Variants in JUP observed in about 807,000 individuals in gnomAD.
JUP encodes the protein catenin (cadherin-associated protein), gamma 80kDa.
A neutral mutation model predicts 71.1 loss-of-function variants in JUP; 28 were observed. The ratio of observed to expected loss-of-function variants is 0.39; its 90% CI spans 0.29 to 0.54. The LOEUF (loss-of-function observed/expected upper bound fraction) is 0.54. JUP is among the 20% of genes least tolerant of loss of function. The pLI is 0.62. For synonymous variants in JUP, 401 were observed against 438.9 expected, an observed-to-expected ratio of 0.91 and a Z score of 1.08; for missense variants, 869 against 1,030.1, an observed-to-expected ratio of 0.84 and a Z score of 2.14.
At chr17:41,778,437 T>C (rs1555609375) in intron 1 of JUP, among the ~76,000 whole-genome samples, 1 of 149,820 alleles carries the variant, frequency 6.7e-6, no homozygotes, top group East Asian at 2.0e-4. Flanking sequence ...CGTGGTGGCA[T>C]GTGCCTGTAG....
rs1555607378 is a variant in JUP at position 41,772,325 on chromosome 17, G to A, written c.-8-463C>T. On this transcript the variant is annotated intron_variant, in intron 1 of 13. Coordinates refer to ENST00000393931, the MANE Select transcript of JUP (RefSeq NM_002230.4). ...AAGGCTGCAGGGAGGAGGCACCCAA[G>A]CCATTGGGCAGGAAACTGGGCGGGG... 4 of 284,436 alleles carry A rather than the reference G, an allele frequency of 1.4e-5. No individual in the cohort carries two copies. In the East Asian group the frequency reaches 2.6e-4, roughly 18 times the overall value. The allele number at this position is 284,436 out of a possible 1,614,324, so 17.6% of individuals were successfully genotyped here.
intron 12 of JUP, among the ~76,000 whole-genome samples, chr17:41,756,669 C>T (rs1001965478): frequency 1.3e-5 from 2 of 151,856 alleles, no homozygotes; most frequent in South Asian, 2.1e-4. Context: ...GAGGCCAAGG[C>T]GGGCGGATCA....
chr17:41,759,020 A>C, intron 8 of JUP, 150 bp from the exon 9 acceptor site: 1 of 752,268 alleles, frequency 1.3e-6, no homozygotes. Flanking sequence ...GAAGGAGACC[A>C]TCCCAGCCAT....
At chr17:41,773,117 T>A (rs1010699772) in intron 1 of JUP, 7 of 465,148 alleles carry the variant, frequency 1.5e-5, no homozygotes, top group African/African-American at 1.5e-4. Context: ...GTCTGTAGTC[T>A]TTGCACATCC....
intron 9 of JUP, 79 bp downstream of exon 9, chr17:41,758,636 C>T: frequency 6.3e-7 from 1 of 1,579,168 alleles, no homozygotes; most frequent in East Asian, 2.3e-5. Flanking sequence ...TGCAACTGAC[C>T]TCCCCATTCA....
chr17:41,766,976 AG>A (rs1458216936), intron 5 of JUP, among the ~76,000 whole-genome samples: 1 of 151,506 alleles, frequency 6.6e-6, no homozygotes, highest in African/African-American at 2.4e-5. Context: ...GAGCCCAGGA[AG>A]TCAAGGCTGC....
chr17:41,770,757 C>T (rs1417353956), intron 2 of JUP, among the ~76,000 whole-genome samples: 1 of 152,214 alleles, frequency 6.6e-6, no homozygotes, highest in Admixed American at 6.5e-5. Flanking sequence ...ATCCCCATCC[C>T]GGACTAAGCC....
intron 8 of JUP, 76 bp downstream of exon 8, chr17:41,762,907 A>T: frequency 8.0e-7 from 1 of 1,256,972 alleles, no homozygotes; most frequent in Non-Finnish European, 1.2e-6. Context: ...CTTCTTTGCT[A>T]CAGCGGCTTT....
At chr17:41,771,401 AG>A in intron 2 of JUP, 1 of 582,200 alleles carries the variant, frequency 1.7e-6, no homozygotes, top group Non-Finnish European at 3.1e-6. Context: ...AGGCACCCTA[AG>A]GGCAGGGACT....
chr17:41,773,593 C>A (rs530983000), intron 1 of JUP, among the ~76,000 whole-genome samples: 1 of 152,196 alleles, frequency 6.6e-6, no homozygotes, highest in Non-Finnish European at 1.5e-5. Context: ...AGGAGCCCCC[C>A]CAACCAGCCC....
chr17:41,772,941 G>A, intron 1 of JUP: 3 of 985,496 alleles, frequency 3.0e-6, no homozygotes, highest in Non-Finnish European at 3.6e-6. Context: ...GGGGAGAATG[G>A]ACGCCGTGAT....
rs111344340 is a variant in JUP at position 41,769,511 on chromosome 17, C to T, written c.375G>A (p.Ser125=). 43 of 1,612,626 alleles carry T rather than the reference C, an allele frequency of 2.7e-5. No homozygotes were observed. Among genetic ancestry groups the T allele is most frequent in the Middle Eastern group, 1.7e-4 (1 of 6,056 alleles). ...RLAEPSQLLK[S]AIVHLINYQD... Reference sequence around the variant, plus strand: ...GGTAGTTGATGAGATGCACAATGGCCGACTTGAGCAGCTGGGACGGCTCGG... The same window carrying T: ...GGTAGTTGATGAGATGCACAATGGCTGACTTGAGCAGCTGGGACGGCTCGG... The change falls in exon 3 of 14, where the codon TCG becomes TCA. Residue 125 remains serine, a synonymous_variant. Coordinates refer to ENST00000393931, the MANE Select transcript of JUP (RefSeq NM_002230.4).
At chr17:41,772,409 G>A (rs1409935616) in intron 1 of JUP, 5 of 221,518 alleles carry the variant, frequency 2.3e-5, no homozygotes, top group Admixed American at 5.2e-5. Context: ...GAGACTCCAG[G>A]ATCTGGCTTT....
At chr17:41,758,221 T>C in intron 10 of JUP, 178 bp downstream of exon 10, 2 of 653,706 alleles carry the variant, frequency 3.1e-6, no homozygotes, top group South Asian at 5.4e-5. Flanking sequence ...CTTTGAAGCT[T>C]AGAAAGCCAT....
intron 10 of JUP, 97 bp downstream of exon 10, chr17:41,758,302 T>C (rs2143444500): frequency 2.6e-6 from 4 of 1,547,582 alleles, no homozygotes; most frequent in Non-Finnish European, 2.7e-6. Context: ...CAAAGACCTC[T>C]TGATACCTGG....
At chr17:41,762,857 G>T (rs1289875545) in intron 8 of JUP, 126 bp downstream of exon 8, 4 of 747,476 alleles carry the variant, frequency 5.4e-6, no homozygotes, top group Non-Finnish European at 9.2e-6. Flanking sequence ...ACACGAGAGA[G>T]AAATAAACTT....
chr17:41,760,708 A>G (rs1304326237), intron 8 of JUP, among the ~76,000 whole-genome samples: 1 of 152,104 alleles, frequency 6.6e-6, no homozygotes, highest in Non-Finnish European at 1.5e-5. Flanking sequence ...TTACAGGCAC[A>G]TGCCACCATG....
chr17:41,758,906 T>C (rs781817502), intron 8 of JUP, 36 bp from the exon 9 acceptor site: 1 of 1,588,558 alleles, frequency 6.3e-7, no homozygotes, highest in East Asian at 2.3e-5. Context: ...GGGGCACTTC[T>C]TGGACATCTG....
At chr17:41,762,129 G>C (rs1338370304) in intron 8 of JUP, among the ~76,000 whole-genome samples, 1 of 45,056 alleles carries the variant, frequency 2.2e-5, no homozygotes, top group African/African-American at 1.1e-4. Flanking sequence ...GAGACAGAGA[G>C]AGAGAGAGAG....
Sources: gnomAD v4.1 joint callset for allele counts (sites outside exome capture counted in the v4.1 genomes callset) on GRCh38, gnomAD v4.1.1 for gene constraint, MANE v1.5 for transcripts, NCBI Gene and HGNC (gene_info 2026-07-23, HGNC 2026-07-21) for gene names.